CCDC180: variants seen among roughly 807,000 people sequenced by gnomAD.
CCDC180 encodes coiled-coil domain-containing protein 180.
CCDC180 carries 154 observed loss-of-function variants against 209.2 expected under a neutral mutation model. That is an observed-to-expected ratio of 0.74 (90% CI 0.65 to 0.84). The LOEUF (loss-of-function observed/expected upper bound fraction) is 0.84. Ranked by LOEUF, CCDC180 falls within the 40% of genes least tolerant of loss-of-function variation. The pLI, the probability that CCDC180 is intolerant of heterozygous loss-of-function variation, is 0.00. For missense variants in CCDC180, 1,874 were observed against 1,997.3 expected, an observed-to-expected ratio of 0.94 and a Z score of 1.18; for synonymous variants, 778 against 749.1, an observed-to-expected ratio of 1.04 and a Z score of -0.63.
intron 26 of CCDC180, among the ~76,000 whole-genome samples, chr9:97,361,239 C>T (rs972399088): frequency 2.0e-5 from 3 of 152,232 alleles, no homozygotes; most frequent in African/African-American, 7.2e-5. Context: ...ACCACTCACT[C>T]AGCCTGGCAT....
intron 2 of CCDC180, among the ~76,000 whole-genome samples, 198 bp downstream of exon 2, chr9:97,308,330 AAACTT>A (rs1352127174): frequency 2.6e-5 from 4 of 152,242 alleles, no homozygotes; most frequent in East Asian, 1.9e-4. Context: ...GAAAATTAGA[AAACTT>A]AAATTAAAAT....
At chr9:97,334,331 G>A (rs574508430) in intron 18 of CCDC180, among the ~76,000 whole-genome samples, 1 of 152,284 alleles carries the variant, frequency 6.6e-6, no homozygotes, top group East Asian at 1.9e-4. Flanking sequence ...CTGGCATTTT[G>A]TGGACTTTAC....
Position 97,340,487 on chromosome 9 carries a change from A to G in CCDC180, c.2275-2853A>G, listed in dbSNP as rs1587811129. ...AGATATGGATCTTAGATATGATTAT[A>G]TACGAATATCATTAATCATTAGTTT... On this transcript the variant is annotated intron_variant, in intron 18 of 36. Transcript: ENST00000529487. 2.0e-5 allele frequency among the ~76,000 whole-genome samples: 3 copies of G among 152,360 alleles called. No individual in the cohort carries two copies. The South Asian group carries it at 6.2e-4, about 32-fold the overall frequency.
chr9:97,320,033 T>C, intron 10 of CCDC180, 93 bp from the exon 11 acceptor site: 1 of 964,162 alleles, frequency 1.0e-6, no homozygotes, highest in Non-Finnish European at 1.7e-6. Flanking sequence ...AAATCCATGA[T>C]TTTCTGGAGC....
intron 29 of CCDC180, 96 bp downstream of exon 29, chr9:97,364,224 G>A (rs1826854573): frequency 1.7e-6 from 2 of 1,167,210 alleles, no homozygotes; most frequent in Non-Finnish European, 2.5e-6. Flanking sequence ...ATCAGAAAGG[G>A]GAAAGGCAGG....
At chr9:97,363,623 C>T in intron 28 of CCDC180, 1 of 534,242 alleles carries the variant, frequency 1.9e-6, no homozygotes, top group South Asian at 1.4e-5. Flanking sequence ...CCAAATACTG[C>T]ATGTGATACA....
intron 20 of CCDC180, 99 bp downstream of exon 20, chr9:97,347,588 C>A: frequency 8.5e-7 from 1 of 1,171,626 alleles, no homozygotes; most frequent in Non-Finnish European, 1.2e-6. Context: ...CAGTTTGTAC[C>A]ATGCAATGTT....
At chr9:97,319,998 C>T in intron 10 of CCDC180, 128 bp from the exon 11 acceptor site, 1 of 743,842 alleles carries the variant, frequency 1.3e-6, no homozygotes, top group South Asian at 1.6e-5. Flanking sequence ...AAATCCCCAG[C>T]AGTTCCCTTT....
Position 97,317,061 on chromosome 9 carries a change from A to G in CCDC180, c.796-4A>G, listed in dbSNP as rs1315453510. The G allele has an allele frequency of 1.9e-6, 3 of 1,606,280 alleles. No individual in the cohort carries two copies. In the South Asian group the frequency reaches 3.3e-5, roughly 18 times the overall value. On this transcript the variant is annotated splice_region_variant and splice_polypyrimidine_tract_variant and intron_variant, in intron 8 of 36. Transcript: ENST00000529487. ...TCTAGAGCCCTGCCCATCTGTGACC[A>G]CAGGTCATGAACTATGCCCTGCTGG...
At chr9:97,374,504 C>A in intron 34 of CCDC180, 39 bp from the exon 35 acceptor site, 2 of 1,487,960 alleles carry the variant, frequency 1.3e-6, no homozygotes, top group Non-Finnish European at 1.9e-6. Flanking sequence ...CTCAGGCTGT[C>A]GGTGAGGCTG....
In CCDC180 at chr9:97,350,574, G is replaced by T; in HGVS notation, c.3002+19G>T. The T allele has an allele frequency of 1.3e-6, 2 of 1,534,882 alleles. No homozygotes were observed. The highest frequency in any genetic ancestry group is 8.7e-7 in the Non-Finnish European group (1 of 1,146,094). ...ACTGCAGGTGGGAGCCAGTGTCCAGGGCCTCTTCAGGCCACCTGAGTTTCT... is the reference window on the plus strand; with the variant it reads ...ACTGCAGGTGGGAGCCAGTGTCCAGTGCCTCTTCAGGCCACCTGAGTTTCT... On this transcript the variant is annotated intron_variant, in intron 22 of 36. Transcript: ENST00000529487.
chr9:97,325,485 C>T (rs543667397), intron 14 of CCDC180, among the ~76,000 whole-genome samples: 1 of 152,238 alleles, frequency 6.6e-6, no homozygotes, highest in South Asian at 2.1e-4. Flanking sequence ...CATAGGTTCA[C>T]AATGCTTAAA....
At chr9:97,374,670 G>T (rs1407432516) in intron 35 of CCDC180, 22 bp downstream of exon 35, 2 of 1,590,816 alleles carry the variant, frequency 1.3e-6, no homozygotes, top group Non-Finnish European at 1.7e-6. Context: ...GAGCAGCAAG[G>T]ACTACTGTAA....
intron 29 of CCDC180, 109 bp downstream of exon 29, chr9:97,364,237 C>A: frequency 9.9e-7 from 1 of 1,007,624 alleles, no homozygotes; most frequent in Non-Finnish European, 1.5e-6. Flanking sequence ...AAGGCAGGTC[C>A]AAGCAGAGGA....
intron 33 of CCDC180, chr9:97,371,077 C>T (rs1827085596): frequency 5.5e-6 from 1 of 182,498 alleles, no homozygotes; most frequent in African/African-American, 2.4e-5. Flanking sequence ...CATTCTCCTG[C>T]CTCAGCCTCC....
At position 97,362,256 on chromosome 9, in the gene CCDC180, A is replaced by G. The variant is rs775097434; in HGVS notation, c.3717A>G (p.Arg1239=). ...ACAAAGATCCGTCCCAGACAGGTAG[A>G]GGCGCATGGGCCTGTGGGTCTCGGG... The part of the protein sequence containing the change: ...HCDKDPSQTG[R]GAWACGSRGS... The change falls in exon 28 of 37, where the codon AGA becomes AGG. Residue 1239 remains arginine (R), a synonymous_variant. Coordinates refer to ENST00000529487, the MANE Select transcript of CCDC180 (RefSeq NM_020893.6). 6.2e-6 allele frequency: 10 copies of G among 1,613,976 alleles called. No homozygotes were observed. The highest frequency in any genetic ancestry group is 8.5e-6 in the Non-Finnish European group (10 of 1,180,012).
At chr9:97,307,904 T>C (rs938009299) in intron 1 of CCDC180, 79 bp from the exon 2 acceptor site, 5 of 1,585,454 alleles carry the variant, frequency 3.2e-6, no homozygotes, top group South Asian at 1.1e-5. Context: ...AGTCCTGCCC[T>C]GGGGTGCCGC....
At chr9:97,351,282 G>T (rs1049552517) in intron 22 of CCDC180, among the ~76,000 whole-genome samples, 1 of 152,204 alleles carries the variant, frequency 6.6e-6, no homozygotes, top group Non-Finnish European at 1.5e-5. Flanking sequence ...CAATGCACAA[G>T]GGTTCCAGTT....
chr9:97,326,387 A>G (rs1833534957), intron 14 of CCDC180, among the ~76,000 whole-genome samples, 167 bp from the exon 15 acceptor site: 1 of 152,066 alleles, frequency 6.6e-6, no homozygotes. Context: ...TATAGTGGAG[A>G]GAGGGAGGGT....
Sources: allele counts gnomAD v4.1 joint callset (sites outside exome capture counted in the v4.1 genomes callset), GRCh38; gene constraint gnomAD v4.1.1; transcripts MANE v1.5; gene names NCBI Gene and HGNC (gene_info 2026-07-23, HGNC 2026-07-21).